The following ETS1 variants were observed in gnomAD, a reference collection of about 807,000 sequenced individuals.
The protein encoded by ETS1 is protein C-ets-1.
A neutral mutation model predicts 58.6 loss-of-function variants in ETS1; 15 were observed. The ratio of observed to expected loss-of-function variants is 0.26; its 90% CI spans 0.17 to 0.39. The LOEUF (loss-of-function observed/expected upper bound fraction) is 0.39, where lower values mean the gene tolerates loss of function less well. ETS1 is among the 10% of genes least tolerant of loss of function. The probability of loss-of-function intolerance (pLI) is 1.00; values close to 1 mark genes in which losing one functional copy is unlikely to be tolerated. For synonymous variants in ETS1, 214 were observed against 218.2 expected, an observed-to-expected ratio of 0.98 and a Z score of 0.17; for missense variants, 417 against 610.5, an observed-to-expected ratio of 0.68 and a Z score of 3.34.
At chr11:128,488,433 T>A (rs1033339580) in intron 5 of ETS1, among the ~76,000 whole-genome samples, 1 of 152,150 alleles carries the variant, frequency 6.6e-6, no homozygotes, top group Admixed American at 6.6e-5. Context: ...AAAGTGCTAA[T>A]CCTGAGTTTT....
At chr11:128,541,140 A>C (rs540487412) in intron 3 of ETS1, among the ~76,000 whole-genome samples, 1 of 152,148 alleles carries the variant, frequency 6.6e-6, no homozygotes, top group South Asian at 2.1e-4. Flanking sequence ...CATCATTCCC[A>C]GTCCCCTGGT....
In ETS1 at chr11:128,490,588, AATTGC is replaced by A; in HGVS notation, c.215-17_215-13del. ...TGCACATTCCATATCTGCATGAAAA[AATTGC>A]ATATGAATAACAAAAATTACATAGG... On this transcript the variant is annotated splice_polypyrimidine_tract_variant and intron_variant, in intron 3 of 9. Coordinates refer to ENST00000392668, the MANE Select transcript of ETS1 (RefSeq NM_001143820.2). 1 of 1,607,244 alleles carries A rather than the reference AATTGC, an allele frequency of 6.2e-7. No homozygotes were observed. Among genetic ancestry groups the A allele is most frequent in the Non-Finnish European group, 8.5e-7 (1 of 1,174,292 alleles).
intron 3 of ETS1, among the ~76,000 whole-genome samples, chr11:128,498,616 A>G (rs1387994033): frequency 6.6e-6 from 1 of 152,224 alleles, no homozygotes; most frequent in Non-Finnish European, 1.5e-5. Context: ...ACAAAGCAAA[A>G]GTATAATTTT....
At chr11:128,522,382 G>C (rs1029699590) in intron 3 of ETS1, 122 of 985,686 alleles carry the variant, frequency 1.2e-4, no homozygotes, top group Non-Finnish European at 1.3e-4. Flanking sequence ...GCGGCGCCGC[G>C]TCTCGGCCGC....
chr11:128,524,470 G>T (rs181660905), intron 3 of ETS1, among the ~76,000 whole-genome samples: 1 of 152,292 alleles, frequency 6.6e-6, no homozygotes, highest in African/African-American at 2.4e-5. Context: ...CAGAAGTTAT[G>T]CATCGAACCC....
rs778008948 is a variant in ETS1, at chr11:128,490,592, G to A, written c.215-16C>T. 2.5e-6 allele frequency: 4 copies of A among 1,583,170 alleles called. No individual in the cohort carries two copies. Among genetic ancestry groups the A allele is most frequent in the Non-Finnish European group, 3.5e-6 (4 of 1,157,820 alleles). ...CATTCCATATCTGCATGAAAAAATT[G>A]CATATGAATAACAAAAATTACATAG... On this transcript the variant is annotated splice_polypyrimidine_tract_variant and intron_variant, in intron 3 of 9. Coordinates refer to ENST00000392668, the MANE Select transcript of ETS1 (RefSeq NM_001143820.2).
At chr11:128,499,296 C>A (rs1270136682) in intron 3 of ETS1, among the ~76,000 whole-genome samples, 2 of 152,096 alleles carry the variant, frequency 1.3e-5, no homozygotes, top group Non-Finnish European at 2.9e-5. Context: ...ATGAATTGGG[C>A]TAACCAATTT....
chr11:128,556,852 T>C (rs751612559), intron 2 of ETS1, among the ~76,000 whole-genome samples: 1 of 152,110 alleles, frequency 6.6e-6, no homozygotes, highest in Non-Finnish European at 1.5e-5. Flanking sequence ...AAGTAAATGA[T>C]ACATGCCAAA....
intron 3 of ETS1, chr11:128,522,441 G>A (rs953585374): frequency 2.6e-6 from 2 of 770,278 alleles, no homozygotes; most frequent in African/African-American, 3.8e-5. Flanking sequence ...GGGAGCGAGG[G>A]GCGGGGCGTC....
At chr11:128,522,715 C>T (rs1253533737) in intron 3 of ETS1, among the ~76,000 whole-genome samples, 2 of 152,344 alleles carry the variant, frequency 1.3e-5, no homozygotes, top group Middle Eastern at 3.4e-3. Flanking sequence ...CACCCGCTCT[C>T]GCCCCCTCCC....
In ETS1 at chr11:128,494,160, T is replaced by A. The variant is rs542603464; in HGVS notation, c.215-3584A>T. ...CCTTTGTGCTAATAATTACAATATC[T>A]TAAATTCAAATAACGTATTTGTTTC... On this transcript the variant is annotated intron_variant, in intron 3 of 9. Transcript: ENST00000392668. 5.3e-5 allele frequency among the ~76,000 whole-genome samples: 8 copies of A among 152,340 alleles called. No homozygotes were observed. The East Asian group carries it at 1.5e-3, about 29-fold the overall frequency.
At chr11:128,490,228 G>A (rs538575746) in intron 4 of ETS1, among the ~76,000 whole-genome samples, 1 of 152,288 alleles carries the variant, frequency 6.6e-6, no homozygotes, top group Non-Finnish European at 1.5e-5. Flanking sequence ...TAGTGTGCAG[G>A]CAAGTTTGAG....
chr11:128,483,354 G>A (rs373652136), intron 7 of ETS1, among the ~76,000 whole-genome samples: 6 of 152,240 alleles, frequency 3.9e-5, no homozygotes, highest in South Asian at 2.1e-4. Flanking sequence ...ACAGGAGATC[G>A]ACCCAAAGTT....
intron 5 of ETS1, among the ~76,000 whole-genome samples, chr11:128,487,090 A>G (rs1390348272): frequency 6.6e-6 from 1 of 152,204 alleles, no homozygotes; most frequent in Admixed American, 6.5e-5. Context: ...TCAGATTGAA[A>G]CATCCCCGTA....
At chr11:128,544,533 C>G (rs1261659722) in intron 3 of ETS1, among the ~76,000 whole-genome samples, 1 of 151,924 alleles carries the variant, frequency 6.6e-6, no homozygotes, top group South Asian at 2.1e-4. Context: ...CAATTCCATT[C>G]TTTTCCAAGG....
At chr11:128,561,739 G>A (rs532717821) in intron 2 of ETS1, among the ~76,000 whole-genome samples, 6 of 152,296 alleles carry the variant, frequency 3.9e-5, no homozygotes, top group African/African-American at 1.2e-4. Context: ...TCTACGGGAC[G>A]GACATAAATA....
chr11:128,519,497 G>A (rs951351546), intron 3 of ETS1, among the ~76,000 whole-genome samples: 3 of 152,182 alleles, frequency 2.0e-5, no homozygotes, highest in Non-Finnish European at 2.9e-5. Context: ...AAAAAGCTAC[G>A]CTGTGAGAAG....
At chr11:128,567,596 T>G (rs146095593) in intron 2 of ETS1, among the ~76,000 whole-genome samples, 6 of 151,634 alleles carry the variant, frequency 4.0e-5, no homozygotes, top group African/African-American at 1.5e-4. Flanking sequence ...GAGTGGCAAG[T>G]TTTTTGTTTT....
At chr11:128,570,340 C>T (rs536186283) in intron 2 of ETS1, among the ~76,000 whole-genome samples, 35 of 151,508 alleles carry the variant, frequency 2.3e-4, no homozygotes, top group African/African-American at 8.0e-4. Flanking sequence ...TGGGTTCAAG[C>T]GATTCTCATG....
Sources: allele counts gnomAD v4.1 joint callset (sites outside exome capture counted in the v4.1 genomes callset), GRCh38; gene constraint gnomAD v4.1.1; transcripts MANE v1.5; gene names NCBI Gene and HGNC (gene_info 2026-07-23, HGNC 2026-07-21).